Variants in CTH observed in about 807,000 individuals in gnomAD.
CTH encodes cystathionine gamma-lyase.
CTH carries 41 observed loss-of-function variants against 50.6 expected under a neutral mutation model. The ratio of observed to expected loss-of-function variants is 0.81; its 90% confidence interval spans 0.63 to 1.05. CTH has a LOEUF of 1.05. Ranked by LOEUF, CTH falls within the 50% of genes least tolerant of loss-of-function variation. CTH has a pLI of 0.00. For synonymous variants in CTH, 156 were observed against 168.9 expected, an observed-to-expected ratio of 0.92 and a Z score of 0.59; for missense variants, 470 against 492.6, an observed-to-expected ratio of 0.95 and a Z score of 0.43.
intron 3 of CTH, among the ~76,000 whole-genome samples, chr1:70,420,291 C>T (rs1191361269): frequency 6.6e-5 from 10 of 152,166 alleles, no homozygotes; most frequent in African/African-American, 2.4e-4. Flanking sequence ...TCGTGCCCGG[C>T]CTCAGGGACT....
At position 70,433,852 on chromosome 1, in the gene CTH, A is replaced by G. The variant is rs1260539585; in HGVS notation, c.902A>G (p.Glu301Gly). The change falls in exon 9 of 12, where the codon GAG (glutamate) becomes GGG (glycine). Residue 301 changes from glutamate (E) to glycine (G), a missense_variant. Glu to Gly is a moderately conservative substitution (Grantham distance 98). Transcript: ENST00000370938. ...YPGLPSHPQH[E>G]LVKRQCTGCT... ...GGGCTGCCCTCTCATCCACAGCATGAGTTGGTGAAGCGTCAGTGTACAGGT... is the reference window on the plus strand; with the variant it reads ...GGGCTGCCCTCTCATCCACAGCATGGGTTGGTGAAGCGTCAGTGTACAGGT... 1 of 1,614,006 alleles carries G rather than the reference A, an allele frequency of 6.2e-7. No individual in the cohort carries two copies.
Position 70,438,822 on chromosome 1 carries a change from C to A in CTH, c.1187C>A (p.Ala396Glu), listed in dbSNP as rs769707444. The A allele has an allele frequency of 1.9e-6, 3 of 1,606,650 alleles. No homozygotes were observed. The South Asian group carries it at 3.3e-5, about 18-fold the overall frequency. ...LLEDLDQALKAAHPPSGSHS is the reference protein window; with the variant it reads ...LLEDLDQALKEAHPPSGSHS The stretch of plus-strand genomic sequence containing the variant: ...GAAGATCTAGATCAAGCTTTGAAGG[C>A]AGCAGTAAGTCTTATTATTGTGTGT... The change falls in exon 11 of 12, where the codon GCA becomes GAA. Residue 396 changes from alanine to glutamate, a missense_variant. Coordinates refer to ENST00000370938, the MANE Select transcript of CTH (RefSeq NM_001902.6).
chr1:70,438,579 T>C (rs1684647735), intron 10 of CTH, 109 bp from the exon 11 acceptor site: 3 of 1,253,860 alleles, frequency 2.4e-6, no homozygotes, highest in Non-Finnish European at 3.5e-6. Flanking sequence ...TATGCAAAAT[T>C]TGATATTTGG....
intron 1 of CTH, among the ~76,000 whole-genome samples, chr1:70,412,010 A>G (rs1245171617): frequency 1.3e-5 from 2 of 152,360 alleles, no homozygotes; most frequent in Non-Finnish European, 1.5e-5. Flanking sequence ...TTGAGTACCT[A>G]CTATATGCCA....
At chr1:70,426,852 G>C (rs572834456) in intron 5 of CTH, among the ~76,000 whole-genome samples, 1 of 152,268 alleles carries the variant, frequency 6.6e-6, no homozygotes, top group South Asian at 2.1e-4. Flanking sequence ...CTGAGACACA[G>C]TGAGTCCTGT....
chr1:70,434,001 T>G lies in CTH; in HGVS notation c.999+52T>G, dbSNP rs1324085773. 3 of 1,609,264 alleles carry G rather than the reference T, an allele frequency of 1.9e-6. No individual in the cohort carries two copies. In the South Asian group the frequency reaches 3.3e-5, roughly 18 times the overall value. On this transcript the variant is annotated intron_variant, in intron 9 of 11. Coordinates refer to ENST00000370938, the MANE Select transcript of CTH (RefSeq NM_001902.6). ...TGTAGGAGGTAAGGCCTTACAGCAGTTCACTATCTCTCACTTCTACTCAAG... is the reference window on the plus strand; with the variant it reads ...TGTAGGAGGTAAGGCCTTACAGCAGGTCACTATCTCTCACTTCTACTCAAG...
chr1:70,431,659 G>A lies in CTH; in HGVS notation c.725-424G>A, dbSNP rs6413473. On this transcript the variant is annotated intron_variant, in intron 7 of 11. Coordinates refer to ENST00000370938, the MANE Select transcript of CTH (RefSeq NM_001902.6). ...CTGGAGGCATGTGAAATCATTGACC[G>A]CTTTGCACAAAGGCTAAATAGAATA... Among the ~76,000 whole-genome samples the A allele has an allele frequency of 3.3e-5, 5 of 152,242 alleles. No homozygotes were observed. In the East Asian group the frequency reaches 7.7e-4, roughly 23 times the overall value.
At chr1:70,435,619 A>G (rs546271177) in intron 10 of CTH, among the ~76,000 whole-genome samples, 13 of 151,952 alleles carry the variant, frequency 8.6e-5, no homozygotes, top group Admixed American at 7.9e-4. Flanking sequence ...CCTACTAGAT[A>G]CTGTCAAATC....
chr1:70,430,332 T>A lies in CTH; in HGVS notation c.662T>A (p.Val221Glu), dbSNP rs1684436484. 6.3e-7 allele frequency: 1 copy of A among 1,594,606 alleles called. No individual in the cohort carries two copies. The highest frequency in any genetic ancestry group is 1.7e-5 in the Admixed American group (1 of 59,968). The change falls in exon 7 of 12, where the codon GTA (valine) becomes GAA (glutamate). Residue 221 changes from valine to glutamate, a missense_variant. By Grantham distance (121) the Val-to-Glu change is moderately radical. Transcript: ENST00000370938. ...TTGTTTTTAGGCCACAGTGATGTTG[T>A]AATGGGCCTGGTGTCTGTTAATTGT... ...TKYMNGHSDV[V>E]MGLVSVNCES...
chr1:70,438,848 G>A (rs1684656938), intron 11 of CTH, 22 bp downstream of exon 11: 1 of 1,605,126 alleles, frequency 6.2e-7, no homozygotes, highest in Non-Finnish European at 8.5e-7. Flanking sequence ...TATTGTGTGT[G>A]TGTGTGTGTG....
In CTH at chr1:70,430,349, G is replaced by C. The variant is rs145300493; in HGVS notation, c.679G>C (p.Val227Leu). The change falls in exon 7 of 12, where the codon GTT becomes CTT. Residue 227 changes from valine (V) to leucine (L), a missense_variant. By Grantham distance (32) the Val-to-Leu change is conservative. Coordinates refer to ENST00000370938, the MANE Select transcript of CTH (RefSeq NM_001902.6). ...TGATGTTGTAATGGGCCTGGTGTCT[G>C]TTAATTGTGAAAGCCTTCATAATAG... ...HSDVVMGLVS[V>L]NCESLHNRLR... The C allele has an allele frequency of 5.0e-6, 8 of 1,603,864 alleles. No homozygotes were observed. Among genetic ancestry groups the C allele is most frequent in the Non-Finnish European group, 6.0e-6 (7 of 1,170,926 alleles).
chr1:70,428,795 T>G (rs895250010), intron 5 of CTH, among the ~76,000 whole-genome samples: 1 of 152,016 alleles, frequency 6.6e-6, no homozygotes, highest in Non-Finnish European at 1.5e-5. Flanking sequence ...GTATTTTTAG[T>G]AGAGATAGGG....
chr1:70,424,614 CTA>C lies in CTH; in HGVS notation c.588+200_588+201del, dbSNP rs1396494992. 1.3e-5 allele frequency among the ~76,000 whole-genome samples: 2 copies of C among 152,202 alleles called. 1 individual carries two copies. The highest frequency in any genetic ancestry group is 2.9e-5 in the Non-Finnish European group (2 of 68,034). On this transcript the variant is annotated intron_variant, in intron 5 of 11. Transcript: ENST00000370938. Reference sequence around the variant, plus strand: ...CTTTTCAAACCTATGTTAATATCCTCTATGTTACTTTGTGTTTTTTATTTATT... The same window carrying C: ...CTTTTCAAACCTATGTTAATATCCTCTGTTACTTTGTGTTTTTTATTTATT...
In CTH at chr1:70,424,300, A is replaced by AC. The variant is rs752200472; in HGVS notation, c.477dup (p.Thr160HisfsTer9). ...ATTATTTTAGCTTGTTTGGATCGAA[A>AC]CCCCCACAAACCCCACCCAGAAGGT... is the stretch of plus-strand genomic sequence containing the variant. On this transcript the variant is annotated frameshift_variant, in exon 5 of 12. Coordinates refer to ENST00000370938, the MANE Select transcript of CTH (RefSeq NM_001902.6). LOFTEE classifies it high-confidence loss of function. 1.2e-6 allele frequency: 2 copies of AC among 1,614,040 alleles called. No homozygotes were observed. The highest frequency in any genetic ancestry group is 2.2e-5 in the South Asian group (2 of 91,080).
chr1:70,411,387 T>C lies in CTH; in HGVS notation c.-29T>C. 6.2e-7 allele frequency: 1 copy of C among 1,613,416 alleles called. No homozygotes were observed. Among genetic ancestry groups the C allele is most frequent in the East Asian group, 2.2e-5 (1 of 44,876 alleles). On this transcript the variant is annotated 5_prime_UTR_variant, in exon 1 of 12. Coordinates refer to ENST00000370938, the MANE Select transcript of CTH (RefSeq NM_001902.6). ...CGACTGGTTATATCTTCGGTGTTCT[T>C]TTCCTCTCTTCTTCTTTCGCGGTTC...
chr1:70,414,924 A>G (rs936831410), intron 1 of CTH, among the ~76,000 whole-genome samples: 2 of 152,070 alleles, frequency 1.3e-5, no homozygotes, highest in African/African-American at 4.8e-5. Flanking sequence ...GGCTCAAGCA[A>G]TTCTCCTGCC....
intron 10 of CTH, among the ~76,000 whole-genome samples, chr1:70,436,242 A>C (rs1160121092): frequency 6.6e-6 from 1 of 152,086 alleles, no homozygotes; most frequent in Non-Finnish European, 1.5e-5. Flanking sequence ...AACCCAAGTG[A>C]TGGAGGTTGC....
intron 10 of CTH, among the ~76,000 whole-genome samples, chr1:70,435,449 T>A (rs1557474290): frequency 6.6e-6 from 1 of 152,118 alleles, no homozygotes; most frequent in Non-Finnish European, 1.5e-5. Context: ...CTAGGATCTC[T>A]GATCTCTGAC....
intron 4 of CTH, among the ~76,000 whole-genome samples, chr1:70,422,903 C>T (rs1022127873): frequency 6.6e-6 from 1 of 152,058 alleles, no homozygotes; most frequent in Non-Finnish European, 1.5e-5. Flanking sequence ...AGCCACCGTG[C>T]CGGGCCCTGG....
Sources: allele counts gnomAD v4.1 joint callset (sites outside exome capture counted in the v4.1 genomes callset), GRCh38; gene constraint gnomAD v4.1.1; transcripts MANE v1.5; gene names NCBI Gene and HGNC (gene_info 2026-07-23, HGNC 2026-07-21).